CSMD2: variants seen among roughly 807,000 people sequenced by gnomAD.
CSMD2 encodes the protein CUB and sushi domain-containing protein 2.
A neutral mutation model predicts 398.5 loss-of-function variants in CSMD2; 130 were observed. That is an observed-to-expected ratio of 0.33 (90% CI 0.28 to 0.38). The LOEUF is 0.38. CSMD2 is among the 10% of genes least tolerant of loss of function. The pLI is 1.00. For missense variants in CSMD2, 3,829 were observed against 4,764.9 expected, an observed-to-expected ratio of 0.80 and a Z score of 5.78; for synonymous variants, 1,828 against 1,908.5, an observed-to-expected ratio of 0.96 and a Z score of 1.10.
chr1:33,554,619 C>T (rs1358779572), intron 55 of CSMD2, among the ~76,000 whole-genome samples: 2 of 152,210 alleles, frequency 1.3e-5, no homozygotes, highest in African/African-American at 4.8e-5. Flanking sequence ...TAACTGGGAG[C>T]CAATGCTCAT....
At chr1:33,549,445 G>A (rs946391734) in intron 56 of CSMD2, among the ~76,000 whole-genome samples, 1 of 152,240 alleles carries the variant, frequency 6.6e-6, no homozygotes, top group African/African-American at 2.4e-5. Flanking sequence ...GGTGGTTTCT[G>A]CTATTGGCAG....
At chr1:33,738,774 G>A (rs899296043) in intron 15 of CSMD2, among the ~76,000 whole-genome samples, 1 of 152,158 alleles carries the variant, frequency 6.6e-6, no homozygotes, top group Admixed American at 6.5e-5. Flanking sequence ...TGAAAGACCC[G>A]AAAACTCGCA....
intron 3 of CSMD2, among the ~76,000 whole-genome samples, chr1:34,006,661 AT>A (rs903469316): frequency 2.0e-5 from 3 of 151,842 alleles, no homozygotes; most frequent in Admixed American, 1.3e-4. Context: ...GTTTATCTTC[AT>A]TTTTTTTCCA....
In CSMD2 at chr1:34,113,731, GA is replaced by G. The variant is rs34432889; in HGVS notation, c.188-24539del. Among the ~76,000 whole-genome samples the G allele has an allele frequency of 5.9e-3, 905 of 152,276 alleles. 14 individuals carry two copies. The highest frequency in any genetic ancestry group is 0.021 in the African/African-American group (862 of 41,560). On this transcript the variant is annotated intron_variant, in intron 1 of 70. Coordinates refer to ENST00000373381, the MANE Select transcript of CSMD2 (RefSeq NM_001281956.2). ...ATACACAGTCCAAAAAAGCCTTTAT[GA>G]GAACTCTAGAAACCAGTTAAGAAGT...
At chr1:33,942,357 G>A (rs1299748450) in intron 3 of CSMD2, among the ~76,000 whole-genome samples, 1 of 152,226 alleles carries the variant, frequency 6.6e-6, no homozygotes, top group Non-Finnish European at 1.5e-5. Context: ...TTCTCCTGAG[G>A]GAGAGGATTT....
intron 25 of CSMD2, among the ~76,000 whole-genome samples, chr1:33,677,994 A>T (rs1644776162): frequency 6.7e-6 from 1 of 150,282 alleles, no homozygotes; most frequent in Non-Finnish European, 1.5e-5. Flanking sequence ...GCATTAGGAG[A>T]TATACCTAAT....
intron 5 of CSMD2, among the ~76,000 whole-genome samples, chr1:33,857,641 T>A (rs1320852647): frequency 6.6e-6 from 1 of 151,962 alleles, no homozygotes; most frequent in Non-Finnish European, 1.5e-5. Flanking sequence ...GAGATGACAA[T>A]CTCTCTCCGT....
At chr1:33,602,708 T>G (rs72662026) in intron 42 of CSMD2, among the ~76,000 whole-genome samples, 162 bp from the exon 43 acceptor site, 17,767 of 152,200 alleles carry the variant, frequency 0.12, 1,137 homozygotes, top group Non-Finnish European at 0.15. Flanking sequence ...CTGCACCTGG[T>G]TCTACCCACC....
At chr1:33,646,492 G>T (rs554175655) in intron 29 of CSMD2, among the ~76,000 whole-genome samples, 156 bp downstream of exon 29, 1 of 152,204 alleles carries the variant, frequency 6.6e-6, no homozygotes, top group Non-Finnish European at 1.5e-5. Flanking sequence ...GATGGGGGCC[G>T]CAGGAAAGGC....
intron 3 of CSMD2, among the ~76,000 whole-genome samples, chr1:34,006,535 C>T (rs1404920525): frequency 6.6e-6 from 1 of 151,914 alleles, no homozygotes; most frequent in African/African-American, 2.4e-5. Flanking sequence ...TTTCCAGAGC[C>T]TCAGAAAGAA....
At chr1:34,143,726 T>C (rs183396968) in intron 1 of CSMD2, among the ~76,000 whole-genome samples, 1 of 152,260 alleles carries the variant, frequency 6.6e-6, no homozygotes, top group East Asian at 1.9e-4. Flanking sequence ...GGAAAAGTCT[T>C]GGTGTTGCTA....
chr1:33,581,185 TG>T (rs1363870912), intron 47 of CSMD2, among the ~76,000 whole-genome samples: 1 of 151,724 alleles, frequency 6.6e-6, no homozygotes, highest in African/African-American at 2.4e-5. Flanking sequence ...AGCTGGTTAA[TG>T]GAAGAGCTGG....
rs149252999 is a variant in CSMD2, at chr1:33,788,899, G to A, written c.1551-187C>T. On this transcript the variant is annotated intron_variant, in intron 11 of 70. Coordinates refer to ENST00000373381, the MANE Select transcript of CSMD2 (RefSeq NM_001281956.2). ...TCCCTGTGCTGGGAAGACTCATCCT[G>A]TCTTCCCCTTGGCTGTGGGTAGAAT... Among the ~76,000 whole-genome samples the A allele has an allele frequency of 2.9e-3, 446 of 152,306 alleles. 2 individuals are homozygous for A. The highest frequency in any genetic ancestry group is 0.01 in the African/African-American group (418 of 41,574).
rs778268603 is a variant in CSMD2 at position 33,624,504 on chromosome 1, C to T, written c.5625+15G>A. 1.2e-6 allele frequency: 2 copies of T among 1,611,808 alleles called. No individual in the cohort carries two copies. The highest frequency in any genetic ancestry group is 1.1e-5 in the South Asian group (1 of 91,024). Reference sequence around the variant, plus strand: ...GACGGCCACCTGCCCGACCGAGGCGCCCCCTTGCCCCTACCTGGATGCCAG... The same window carrying T: ...GACGGCCACCTGCCCGACCGAGGCGTCCCCTTGCCCCTACCTGGATGCCAG... On this transcript the variant is annotated intron_variant, in intron 35 of 70. Coordinates refer to ENST00000373381, the MANE Select transcript of CSMD2 (RefSeq NM_001281956.2). The surrounding 1 kb of genome is among the most constrained non-coding windows in gnomAD (Gnocchi z 4.7).
intron 17 of CSMD2, 83 bp downstream of exon 17, chr1:33,725,266 C>T (rs765682284): frequency 3.4e-5 from 40 of 1,164,950 alleles, no homozygotes; most frequent in East Asian, 4.7e-5. Context: ...CAAGCAGGGG[C>T]CTGTGGTGGA....
intron 40 of CSMD2, among the ~76,000 whole-genome samples, chr1:33,613,242 A>T (rs369290047): frequency 1.1e-4 from 17 of 152,316 alleles, no homozygotes; most frequent in African/African-American, 4.1e-4. Context: ...TTTAGAGGTG[A>T]AAATGGTGGC....
At chr1:33,547,353 A>C (rs1233748508) in intron 56 of CSMD2, among the ~76,000 whole-genome samples, 1 of 152,234 alleles carries the variant, frequency 6.6e-6, no homozygotes, top group Non-Finnish European at 1.5e-5. Context: ...CATGGTAAAC[A>C]TGAGGAAAGA....
At chr1:33,902,273 C>T (rs944988964) in intron 5 of CSMD2, among the ~76,000 whole-genome samples, 1 of 152,140 alleles carries the variant, frequency 6.6e-6, no homozygotes, top group African/African-American at 2.4e-5. Context: ...CTCCTGGAAA[C>T]CGCCCCATCT....
intron 40 of CSMD2, among the ~76,000 whole-genome samples, chr1:33,613,951 C>G (rs1641213366): frequency 6.6e-6 from 1 of 152,120 alleles, no homozygotes; most frequent in African/African-American, 2.4e-5. Flanking sequence ...CAAAACAAAA[C>G]AAAAATAACC....
Sources: allele counts gnomAD v4.1 joint callset (sites outside exome capture counted in the v4.1 genomes callset), GRCh38; gene constraint gnomAD v4.1.1; non-coding constraint Gnocchi (gnomAD v3.1); transcripts MANE v1.5; gene names NCBI Gene and HGNC (gene_info 2026-07-23, HGNC 2026-07-21).